ZNF704: variants seen among roughly 807,000 people sequenced by gnomAD.
ZNF704 encodes zinc finger protein 704, also known as glucocorticoid induced gene 1.
ZNF704 carries 10 observed loss-of-function variants against 44.7 expected under a neutral mutation model. The observed-to-expected ratio is 0.22, with a 90% confidence interval of 0.14 to 0.38. The LOEUF (loss-of-function observed/expected upper bound fraction) is 0.38. Among genes scored for constraint, ZNF704 ranks in the 10% least tolerant of loss-of-function variants. ZNF704 has a pLI of 1.00. For synonymous variants in ZNF704, 211 were observed against 207.6 expected (o/e 1.02, Z -0.14); for missense variants, 390 against 545.5 (o/e 0.71, Z 2.84).
At chr8:80,800,939 T>C (rs924314933) in intron 2 of ZNF704, among the ~76,000 whole-genome samples, 4 of 151,858 alleles carry the variant, frequency 2.6e-5, no homozygotes, top group Non-Finnish European at 5.9e-5. Context: ...AAGACACACA[T>C]AGGCTCAAAA....
intron 1 of ZNF704, among the ~76,000 whole-genome samples, chr8:80,865,205 T>C (rs988948459): frequency 6.6e-6 from 1 of 152,042 alleles, no homozygotes; most frequent in Non-Finnish European, 1.5e-5. Context: ...ACAAAATAAA[T>C]TGCCACCCAT....
intron 1 of ZNF704, among the ~76,000 whole-genome samples, chr8:80,844,863 T>TTATTTATTTATTTA (rs1808743420): frequency 6.6e-6 from 1 of 150,942 alleles, no homozygotes; most frequent in African/African-American, 2.4e-5. Flanking sequence ...ATTTATTTAT[T>TTATTTATTTATTTA]GAGACAGGGT....
chr8:80,693,119 G>A lies in ZNF704; in HGVS notation c.222-12C>T. On this transcript the variant is annotated splice_polypyrimidine_tract_variant and intron_variant, in intron 2 of 8. Transcript: ENST00000327835. ...CCTCTGAAGATTTCCTGTAAAACAG[G>A]AAGGGACACTGGTGACTGTTCACTC... 1 of 1,610,364 alleles carries A rather than the reference G, an allele frequency of 6.2e-7. No homozygotes were observed. The highest frequency in any genetic ancestry group is 8.5e-7 in the Non-Finnish European group (1 of 1,176,642).
intron 2 of ZNF704, among the ~76,000 whole-genome samples, chr8:80,813,373 T>G (rs1304622899): frequency 6.6e-6 from 1 of 152,228 alleles, no homozygotes; most frequent in African/African-American, 2.4e-5. Flanking sequence ...AATGCCATTC[T>G]AAACAGGTGA....
intron 2 of ZNF704, among the ~76,000 whole-genome samples, chr8:80,711,457 A>G (rs1818984596): frequency 6.6e-6 from 1 of 152,236 alleles, no homozygotes; most frequent in African/African-American, 2.4e-5. Context: ...GTATAGATAC[A>G]TGCAAAAAAA....
At chr8:80,824,925 C>T (rs934107276) in intron 1 of ZNF704, among the ~76,000 whole-genome samples, 36 of 152,248 alleles carry the variant, frequency 2.4e-4, no homozygotes, top group African/African-American at 7.2e-4. Flanking sequence ...CTGAAGGAAG[C>T]ACTAAACATG....
chr8:80,666,383 A>G (rs1292675672), intron 5 of ZNF704, among the ~76,000 whole-genome samples: 6 of 151,428 alleles, frequency 4.0e-5, no homozygotes, highest in East Asian at 1.9e-4. Context: ...ATTTGGGTTT[A>G]TTCCAAGTCT....
At position 80,632,855 on chromosome 8, in the gene ZNF704, A is replaced by G. The variant is rs1817609245; in HGVS notation, c.*8511T>C. On this transcript the variant is annotated 3_prime_UTR_variant, in exon 9 of 9. Transcript: ENST00000327835. ...GAAGAGGAAAGGACTAAACTGTTTCATTCTCCAACACTGTATTACTTTAGA... is the reference window on the plus strand; with the variant it reads ...GAAGAGGAAAGGACTAAACTGTTTCGTTCTCCAACACTGTATTACTTTAGA... 1 of 152,340 alleles carries G rather than the reference A, an allele frequency of 6.6e-6. No individual in the cohort carries two copies. Among genetic ancestry groups the G allele is most frequent in the South Asian group, 2.1e-4 (1 of 4,826 alleles). 9.4% of individuals were successfully genotyped at this position (152,340 alleles called of 1,614,324 possible). A position where few individuals can be genotyped will look rare whatever the true frequency, so the allele number is the denominator to read the frequency against.
chr8:80,848,882 G>T (rs767614272), intron 1 of ZNF704, among the ~76,000 whole-genome samples: 4 of 151,994 alleles, frequency 2.6e-5, no homozygotes, highest in Non-Finnish European at 5.9e-5. Flanking sequence ...AGCAGTAAAA[G>T]AACTTGCTTG....
At chr8:80,780,422 G>A (rs1807500807) in intron 2 of ZNF704, among the ~76,000 whole-genome samples, 1 of 152,110 alleles carries the variant, frequency 6.6e-6, no homozygotes, top group African/African-American at 2.4e-5. Context: ...TGGGGGAAGA[G>A]GAGAACAGCG....
chr8:80,827,829 C>A (rs535275584), intron 1 of ZNF704, among the ~76,000 whole-genome samples: 5 of 152,140 alleles, frequency 3.3e-5, no homozygotes, highest in African/African-American at 1.2e-4. Flanking sequence ...GGAAAGGATT[C>A]CCTATTTAGT....
intron 2 of ZNF704, among the ~76,000 whole-genome samples, chr8:80,788,711 A>C (rs1807655584): frequency 6.6e-6 from 1 of 152,174 alleles, no homozygotes; most frequent in East Asian, 1.9e-4. Context: ...CCTTTACGAC[A>C]CCTGAGCCAC....
At chr8:80,753,463 AG>A (rs1231812081) in intron 2 of ZNF704, among the ~76,000 whole-genome samples, 1 of 150,086 alleles carries the variant, frequency 6.7e-6, no homozygotes, top group African/African-American at 2.4e-5. Flanking sequence ...AAAAAAAAGG[AG>A]GGGGGACAAG....
intron 2 of ZNF704, among the ~76,000 whole-genome samples, chr8:80,745,345 A>T (rs1030423916): frequency 2.6e-5 from 4 of 152,200 alleles, no homozygotes; most frequent in Non-Finnish European, 5.9e-5. Flanking sequence ...TAGTCAAGAT[A>T]GAGAAATTTC....
intron 2 of ZNF704, among the ~76,000 whole-genome samples, chr8:80,707,821 C>G (rs1050682801): frequency 7.0e-6 from 1 of 141,958 alleles, no homozygotes; most frequent in Non-Finnish European, 1.5e-5. Flanking sequence ...ATCTTCAATA[C>G]TATTAATTCA....
chr8:80,765,113 T>G (rs1418698754), intron 2 of ZNF704, among the ~76,000 whole-genome samples: 1 of 152,176 alleles, frequency 6.6e-6, no homozygotes, highest in Non-Finnish European at 1.5e-5. Flanking sequence ...ACTCTCAGTT[T>G]TAAGTCAAAA....
intron 2 of ZNF704, among the ~76,000 whole-genome samples, chr8:80,796,739 T>C (rs1191490065): frequency 6.6e-6 from 1 of 151,714 alleles, no homozygotes; most frequent in Non-Finnish European, 1.5e-5. Flanking sequence ...CTCATGCTTG[T>C]AATCCCAGCA....
chr8:80,643,088 T>C lies in ZNF704; in HGVS notation c.1074A>G (p.Arg358=). 6.2e-7 allele frequency: 1 copy of C among 1,606,534 alleles called. No homozygotes were observed. Among genetic ancestry groups the C allele is most frequent in the Non-Finnish European group, 8.5e-7 (1 of 1,176,536 alleles). The change falls in exon 8 of 9, where the codon AGA becomes AGG. Residue 358 remains arginine (R), a synonymous_variant. Coordinates refer to ENST00000327835, the MANE Select transcript of ZNF704 (RefSeq NM_001033723.3). Reference sequence around the variant, plus strand: ...AGGACAGGACCGTGTGCGCATGCTGTCTCTGCTCTCCTGTGCCCACCGGAT... The same window carrying C: ...AGGACAGGACCGTGTGCGCATGCTGCCTCTGCTCTCCTGTGCCCACCGGAT... The part of the protein sequence containing the change: ...THHPVGTGEQ[R]QHAHTVLSSP...
chr8:80,858,597 G>A (rs1389761819), intron 1 of ZNF704, among the ~76,000 whole-genome samples: 1 of 151,980 alleles, frequency 6.6e-6, no homozygotes, highest in African/African-American at 2.4e-5. Flanking sequence ...GCCAAGCGTG[G>A]TAGTGCACAC....
Sources: allele counts gnomAD v4.1 joint callset (sites outside exome capture counted in the v4.1 genomes callset), GRCh38; gene constraint gnomAD v4.1.1; transcripts MANE v1.5; gene names NCBI Gene and HGNC (gene_info 2026-07-23, HGNC 2026-07-21).